Variants in PARD3B observed in about 807,000 individuals in gnomAD.
PARD3B encodes the protein par-3 family cell polarity regulator beta.
In PARD3B, 103 loss-of-function variants were observed where a neutral mutation model predicts 130.2. The ratio of observed to expected loss-of-function variants is 0.79; its 90% confidence interval spans 0.67 to 0.93. The LOEUF (loss-of-function observed/expected upper bound fraction) is 0.93. PARD3B is among the 40% of genes least tolerant of loss of function. PARD3B has a pLI of 0.00. For missense variants in PARD3B, 1,609 were observed against 1,499.2 expected, an observed-to-expected ratio of 1.07 and a Z score of -1.21; for synonymous variants, 583 against 553.2, an observed-to-expected ratio of 1.05 and a Z score of -0.76.
At chr2:204,904,470 GAAA>G (rs1282078907) in intron 2 of PARD3B, among the ~76,000 whole-genome samples, 2 of 152,026 alleles carry the variant, frequency 1.3e-5, no homozygotes, top group African/African-American at 4.8e-5. Flanking sequence ...AATTCCTTTG[GAAA>G]ACTTGTATTA....
chr2:205,333,520 G>A lies in PARD3B; in HGVS notation c.2630+31819G>A, dbSNP rs1466545199. Among the ~76,000 whole-genome samples the A allele has an allele frequency of 3.9e-5, 6 of 152,146 alleles. No homozygotes were observed. The East Asian group carries it at 1.2e-3, about 29-fold the overall frequency. ...TTTATACTTGATTCCTAACCACCCT[G>A]GGCTTCTTCCTAGTGTGGCACTCAG... On this transcript the variant is annotated intron_variant, in intron 18 of 22. Coordinates refer to ENST00000406610, the MANE Select transcript of PARD3B (RefSeq NM_001302769.2).
At chr2:204,706,034 TA>T (rs2038129952) in intron 2 of PARD3B, among the ~76,000 whole-genome samples, 1 of 152,270 alleles carries the variant, frequency 6.6e-6, no homozygotes, top group South Asian at 2.1e-4. Context: ...TAAACTTTTT[TA>T]AAGTATGGTT....
intron 1 of PARD3B, among the ~76,000 whole-genome samples, chr2:204,552,374 G>A (rs1302710188): frequency 6.6e-6 from 1 of 152,180 alleles, no homozygotes; most frequent in Non-Finnish European, 1.5e-5. Context: ...GGCTGAGGAT[G>A]TACATCCTCT....
intron 2 of PARD3B, among the ~76,000 whole-genome samples, chr2:204,786,083 C>T (rs927442033): frequency 1.4e-5 from 2 of 146,300 alleles, no homozygotes; most frequent in African/African-American, 5.2e-5. Context: ...CAGTGCACAC[C>T]AGCCCAGGTG....
intron 15 of PARD3B, among the ~76,000 whole-genome samples, chr2:205,218,241 G>A (rs1009985278): frequency 3.3e-5 from 5 of 151,968 alleles, no homozygotes; most frequent in East Asian, 1.9e-4. Context: ...TCTTCTGATC[G>A]AAACAGGCAA....
At chr2:205,492,625 A>G (rs62173189) in intron 20 of PARD3B, among the ~76,000 whole-genome samples, 4,490 of 152,248 alleles carry the variant, frequency 0.029, 93 homozygotes, top group Non-Finnish European at 0.047. Flanking sequence ...CTAAACAGTG[A>G]AAAATCTTAT....
chr2:204,893,714 G>A (rs573451109), intron 2 of PARD3B, among the ~76,000 whole-genome samples: 2 of 152,100 alleles, frequency 1.3e-5, no homozygotes, highest in Non-Finnish European at 2.9e-5. Flanking sequence ...GAAAACCCAT[G>A]TGTATTTTAT....
At chr2:204,596,607 CAT>C (rs1428968087) in intron 1 of PARD3B, among the ~76,000 whole-genome samples, 1 of 152,084 alleles carries the variant, frequency 6.6e-6, no homozygotes, top group Non-Finnish European at 1.5e-5. Context: ...GGTGCAAAAA[CAT>C]AGAACACTCC....
At chr2:204,780,581 CACAA>C (rs2041800034) in intron 2 of PARD3B, among the ~76,000 whole-genome samples, 2 of 152,254 alleles carry the variant, frequency 1.3e-5, no homozygotes, top group South Asian at 4.1e-4. Flanking sequence ...GAAGCTTTCT[CACAA>C]ACAATCTCTT....
intron 1 of PARD3B, among the ~76,000 whole-genome samples, chr2:204,596,108 A>G (rs887125595): frequency 5.3e-5 from 8 of 152,204 alleles, no homozygotes; most frequent in Non-Finnish European, 8.8e-5. Flanking sequence ...TTCATAAACA[A>G]TTACATTTAG....
chr2:205,062,192 A>G (rs1009316416), intron 4 of PARD3B, among the ~76,000 whole-genome samples: 8 of 152,254 alleles, frequency 5.3e-5, no homozygotes, highest in African/African-American at 1.9e-4. Flanking sequence ...GCAGAAGTGT[A>G]GTATTTTTTT....
At position 205,584,860 on chromosome 2, in the gene PARD3B, A is replaced by G. The variant is rs1345884656; in HGVS notation, c.3261-30596A>G. ...GTTCAGCCTGAGCCTTCTTTTTTGG[A>G]AAACACTTTTTTCCCCTTAGATTGT... On this transcript the variant is annotated intron_variant, in intron 22 of 22. Transcript: ENST00000406610. The surrounding 1 kb of genome is among the most constrained non-coding windows in gnomAD (Gnocchi z 5.5). 1.3e-5 allele frequency among the ~76,000 whole-genome samples: 2 copies of G among 152,034 alleles called. No homozygotes were observed. The highest frequency in any genetic ancestry group is 4.8e-5 in the African/African-American group (2 of 41,392).
intron 4 of PARD3B, among the ~76,000 whole-genome samples, chr2:205,076,697 G>A (rs1185089146): frequency 2.0e-5 from 3 of 152,056 alleles, no homozygotes; most frequent in Non-Finnish European, 4.4e-5. Flanking sequence ...TGTGGATCTA[G>A]GTTGTACGCT....
chr2:205,401,635 C>G (rs551084018), intron 19 of PARD3B, among the ~76,000 whole-genome samples: 1 of 152,288 alleles, frequency 6.6e-6, no homozygotes, highest in South Asian at 2.1e-4. Flanking sequence ...AAAGGGCCGG[C>G]TTCATTTGCT....
intron 18 of PARD3B, among the ~76,000 whole-genome samples, chr2:205,359,171 G>T (rs2044300483): frequency 1.3e-5 from 2 of 152,108 alleles, no homozygotes; most frequent in South Asian, 4.1e-4. Flanking sequence ...CTTTAACTTT[G>T]CTTTATTGGT....
At chr2:205,614,253 G>A (rs2055340193) in intron 22 of PARD3B, among the ~76,000 whole-genome samples, 1 of 152,132 alleles carries the variant, frequency 6.6e-6, no homozygotes, top group Non-Finnish European at 1.5e-5. Context: ...ATCCAGACAG[G>A]GCCACTTTCT....
chr2:205,532,651 C>G (rs1248727166), intron 21 of PARD3B, among the ~76,000 whole-genome samples: 2 of 152,186 alleles, frequency 1.3e-5, no homozygotes. Flanking sequence ...CACAAAGCTA[C>G]ATATTAATTC....
chr2:204,774,404 G>C (rs73982508), intron 2 of PARD3B, among the ~76,000 whole-genome samples: 2 of 152,120 alleles, frequency 1.3e-5, no homozygotes, highest in African/African-American at 4.8e-5. Context: ...AGGCTGAACA[G>C]GCGTAGAAAT....
At chr2:205,195,857 T>C (rs1463948332) in intron 15 of PARD3B, among the ~76,000 whole-genome samples, 1 of 152,042 alleles carries the variant, frequency 6.6e-6, no homozygotes, top group East Asian at 1.9e-4. Flanking sequence ...ATTTGTTACA[T>C]AATTAATTTA....
Sources: gnomAD v4.1 joint callset for allele counts (sites outside exome capture counted in the v4.1 genomes callset) on GRCh38, gnomAD v4.1.1 for gene constraint, Gnocchi (gnomAD v3.1) non-coding constraint, MANE v1.5 for transcripts, NCBI Gene and HGNC (gene_info 2026-07-23, HGNC 2026-07-21) for gene names.